Variants in ABCA1 observed in about 807,000 individuals in gnomAD.
The protein encoded by ABCA1 is phospholipid-transporting ATPase ABCA1.
A neutral mutation model predicts 262.5 loss-of-function variants in ABCA1; 133 were observed. The ratio of observed to expected loss-of-function variants is 0.51; its 90% CI spans 0.44 to 0.59. The LOEUF (loss-of-function observed/expected upper bound fraction) is 0.59. Among genes scored for constraint, ABCA1 ranks in the 20% least tolerant of loss-of-function variants. ABCA1 has a pLI of 0.00. For synonymous variants in ABCA1, 1,022 were observed against 1,043.5 expected (o/e 0.98, Z 0.40); for missense variants, 2,452 against 2,777.5 (o/e 0.88, Z 2.63).
Position 104,809,561 on chromosome 9 carries a change from AT to A in ABCA1, c.4178del (p.Asn1393MetfsTer13). 1 of 1,614,110 alleles carries A rather than the reference AT, an allele frequency of 6.2e-7. No homozygotes were observed. The highest frequency in any genetic ancestry group is 8.5e-7 in the Non-Finnish European group (1 of 1,179,946). On this transcript the variant is annotated frameshift_variant and splice_region_variant, in exon 30 of 50. Coordinates refer to ENST00000374736, the MANE Select transcript of ABCA1 (RefSeq NM_005502.4). LOFTEE classifies it high-confidence loss of function. Reference sequence around the variant, plus strand: ...GGGTTCCCGTGTCCTCAGGAGCATCATTGCTGTGGGTACATGAGAGGCAGCC... The same window carrying A: ...GGGTTCCCGTGTCCTCAGGAGCATCATGCTGTGGGTACATGAGAGGCAGCC... ...MYNEQYTFVSNDAPEDTGTLE... is the reference protein window; with the variant it reads ...MYNEQYTFVSXDAPEDTGTLE...
intron 2 of ABCA1, among the ~76,000 whole-genome samples, chr9:104,894,502 C>T (rs112145009): frequency 0.02 from 2,976 of 152,280 alleles, 116 homozygotes; most frequent in African/African-American, 0.069. Flanking sequence ...GTGCTTTATA[C>T]ACATTAACTC....
At chr9:104,798,274 AT>A (rs2118883879) in intron 37 of ABCA1, 146 bp downstream of exon 37, 1 of 939,692 alleles carries the variant, frequency 1.1e-6, no homozygotes, top group Admixed American at 2.1e-5. Context: ...CATGAAAGTG[AT>A]CACCTGCCTC....
intron 44 of ABCA1, 104 bp from the exon 45 acceptor site, chr9:104,788,671 A>G: frequency 7.4e-7 from 1 of 1,347,800 alleles, no homozygotes; most frequent in Non-Finnish European, 1.1e-6. Context: ...CATTACAAAG[A>G]TACCAATACA....
At chr9:104,882,675 A>G (rs561642578) in intron 5 of ABCA1, among the ~76,000 whole-genome samples, 21 of 152,378 alleles carry the variant, frequency 1.4e-4, no homozygotes, top group African/African-American at 4.6e-4. Flanking sequence ...TTGCTCTTAT[A>G]TGCACAGAAA....
chr9:104,816,592 C>T (rs1044034416), intron 24 of ABCA1, among the ~76,000 whole-genome samples: 1 of 116,180 alleles, frequency 8.6e-6, no homozygotes, highest in Non-Finnish European at 1.7e-5. Context: ...AATGGGTGGA[C>T]AGCTGGATGG....
At position 104,815,493 on chromosome 9, in the gene ABCA1, G is replaced by A. The variant is rs144810775; in HGVS notation, c.3738+650C>T. On this transcript the variant is annotated intron_variant, in intron 25 of 49. Coordinates refer to ENST00000374736, the MANE Select transcript of ABCA1 (RefSeq NM_005502.4). ...GGAGGCATTACATGGATAAAGAGAGGATGGACTTTGAAGCCCCAAACCCCT... is the reference window on the plus strand; with the variant it reads ...GGAGGCATTACATGGATAAAGAGAGAATGGACTTTGAAGCCCCAAACCCCT... Among the ~76,000 whole-genome samples the A allele has an allele frequency of 4.6e-3, 706 of 152,242 alleles. 4 individuals carry two copies. In the Middle Eastern group the frequency reaches 0.048, roughly 10 times the overall value.
At chr9:104,866,434 C>T (rs528039146) in intron 5 of ABCA1, among the ~76,000 whole-genome samples, 123 of 152,106 alleles carry the variant, frequency 8.1e-4, no homozygotes, top group African/African-American at 2.8e-3. Flanking sequence ...GGAAGCCTGC[C>T]CTGGCCTTCC....
intron 5 of ABCA1, among the ~76,000 whole-genome samples, chr9:104,868,768 C>T (rs1012547287): frequency 6.6e-6 from 1 of 152,180 alleles, no homozygotes; most frequent in African/African-American, 2.4e-5. Flanking sequence ...GAAGCAGAAC[C>T]CTCAGCTTCT....
chr9:104,807,845 T>TACACAC (rs60348262), intron 30 of ABCA1, among the ~76,000 whole-genome samples: 1,101 of 48,328 alleles, frequency 0.023, 22 homozygotes, highest in African/African-American at 0.047. Flanking sequence ...TATATATATA[T>TACACAC]ACACACACAC....
At chr9:104,902,124 T>C (rs928055438) in intron 2 of ABCA1, among the ~76,000 whole-genome samples, 10 of 152,184 alleles carry the variant, frequency 6.6e-5, no homozygotes, top group African/African-American at 2.4e-4. Flanking sequence ...TGTATACATA[T>C]TGCTGAGGGA....
chr9:104,818,972 G>A, intron 22 of ABCA1, 89 bp from the exon 23 acceptor site: 1 of 1,294,122 alleles, frequency 7.7e-7, no homozygotes, highest in Non-Finnish European at 1.1e-6. Context: ...GATATTAGCA[G>A]GGGTAAGCAC....
chr9:104,900,511 G>A (rs1840581167), intron 2 of ABCA1, among the ~76,000 whole-genome samples: 1 of 152,216 alleles, frequency 6.6e-6, no homozygotes, highest in South Asian at 2.1e-4. Context: ...GAGCTAACAA[G>A]TGGCCCCAAA....
intron 1 of ABCA1, among the ~76,000 whole-genome samples, chr9:104,908,157 T>C (rs1841282142): frequency 1.3e-5 from 2 of 152,016 alleles, no homozygotes; most frequent in South Asian, 4.1e-4. Flanking sequence ...AGTGCTAGCA[T>C]GTGTATGGAG....
intron 5 of ABCA1, among the ~76,000 whole-genome samples, chr9:104,867,349 C>T (rs966772893): frequency 2.0e-5 from 3 of 152,172 alleles, no homozygotes; most frequent in African/African-American, 7.2e-5. Flanking sequence ...AGTATAATGC[C>T]GGGCACTGAG....
At position 104,909,607 on chromosome 9, in the gene ABCA1, T is replaced by TACACAC. The variant is rs59524252; in HGVS notation, c.-92-5842_-92-5837dup. ...GATTCAGTGATGCTGGCAAAAGAAA[T>TACACAC]ACACACACACACACACACACACACA... On this transcript the variant is annotated intron_variant, in intron 1 of 49. Coordinates refer to ENST00000374736, the MANE Select transcript of ABCA1 (RefSeq NM_005502.4). Among the ~76,000 whole-genome samples the TACACAC allele has an allele frequency of 3.1e-3, 414 of 134,050 alleles. 8 individuals carry two copies. Among genetic ancestry groups the TACACAC allele is most frequent in the South Asian group, 0.017 (66 of 3,936 alleles). The allele number at this position is 134,050 out of a possible 152,430, so 87.9% of individuals were successfully genotyped here.
intron 2 of ABCA1, among the ~76,000 whole-genome samples, chr9:104,895,985 C>T (rs966986265): frequency 6.6e-6 from 1 of 152,026 alleles, no homozygotes; most frequent in Non-Finnish European, 1.5e-5. Flanking sequence ...AAAATGAAGT[C>T]GCTATTTCTT....
In ABCA1 at chr9:104,836,955, T is replaced by C. The variant is rs764984068; in HGVS notation, c.1311+25A>G. 2.6e-6 allele frequency: 4 copies of C among 1,558,966 alleles called. No individual in the cohort carries two copies. The African/African-American group carries it at 4.1e-5, about 16-fold the overall frequency. On this transcript the variant is annotated intron_variant, in intron 11 of 49. Coordinates refer to ENST00000374736, the MANE Select transcript of ABCA1 (RefSeq NM_005502.4). The stretch of plus-strand genomic sequence containing the variant: ...ACCTCTCCAGTATCAAGCAGGCACA[T>C]GGTAATAATGGGAGGGACACTCACC...
Position 104,871,116 on chromosome 9 carries a change from G to C in ABCA1, c.422-9316C>G, listed in dbSNP as rs190253137. Among the ~76,000 whole-genome samples the C allele has an allele frequency of 1.3e-3, 197 of 152,326 alleles. 1 individual carries two copies. The highest frequency in any genetic ancestry group is 4.5e-3 in the African/African-American group (188 of 41,572). On this transcript the variant is annotated intron_variant, in intron 5 of 49. Transcript: ENST00000374736. The stretch of plus-strand genomic sequence containing the variant: ...CCTGACAATGAGGACCCCTATAAAA[G>C]GGCTTGAGGGAGAGGCTTCAGTCCC...
At chr9:104,881,351 G>A (rs1838635629) in intron 5 of ABCA1, among the ~76,000 whole-genome samples, 1 of 152,142 alleles carries the variant, frequency 6.6e-6, no homozygotes, top group African/African-American at 2.4e-5. Context: ...CATTTATTGG[G>A]AATCTACTAT....
Sources: allele counts gnomAD v4.1 joint callset (sites outside exome capture counted in the v4.1 genomes callset), GRCh38; gene constraint gnomAD v4.1.1; transcripts MANE v1.5; gene names NCBI Gene and HGNC (gene_info 2026-07-23, HGNC 2026-07-21).